Variants in C12orf43 observed in about 807,000 individuals in gnomAD.
C12orf43 encodes chromosome 12 open reading frame 43, also known as protein CUSTOS.
In C12orf43, 15 loss-of-function variants were observed where a neutral mutation model predicts 20.6. The observed-to-expected ratio is 0.73, with a 90% CI of 0.49 to 1.12. C12orf43 has a LOEUF of 1.12. Ranked by LOEUF, C12orf43 falls within the 50% of genes most tolerant of loss-of-function variation. The pLI is 0.00. For synonymous variants in C12orf43, 144 were observed against 130.8 expected, an observed-to-expected ratio of 1.10 and a Z score of -0.69; for missense variants, 334 against 344.4, an observed-to-expected ratio of 0.97 and a Z score of 0.24.
intron 1 of C12orf43, chr12:121,012,538 C>T: frequency 1.4e-6 from 1 of 700,782 alleles, no homozygotes; most frequent in East Asian, 2.7e-5. Flanking sequence ...AGTGGGTGAA[C>T]TCCAGATAGA....
rs999231123 is a variant in C12orf43, at chr12:121,005,512, G to A, written c.362-419C>T. 2.6e-5 allele frequency among the ~76,000 whole-genome samples: 4 copies of A among 152,234 alleles called. No individual in the cohort carries two copies. The highest frequency in any genetic ancestry group is 9.6e-5 in the African/African-American group (4 of 41,456). On this transcript the variant is annotated intron_variant, in intron 4 of 5. Transcript: ENST00000288757. The surrounding 1 kb of genome is among the most constrained non-coding windows in gnomAD (Gnocchi z 5.6). ...TGATGGAGCCAGTGGAGGGCGCGCT[G>A]GAGCAGGAGCCAGCAGCCACATCAG... is the stretch of plus-strand genomic sequence containing the variant.
chr12:121,010,892 C>G lies in C12orf43; in HGVS notation c.223G>C (p.Glu75Gln), dbSNP rs777205582. 6.2e-7 allele frequency: 1 copy of G among 1,614,132 alleles called. No homozygotes were observed. Among genetic ancestry groups the G allele is most frequent in the Non-Finnish European group, 8.5e-7 (1 of 1,180,020 alleles). ...CGGAATTCAGGGGTGGTCTGAAGCT[C>G]GTTGCCATCTTGTTCATGCTCATTC... Reference protein sequence around the residue: ...KVNEHEQDGNELQTTPEFRAH... With the variant: ...KVNEHEQDGNQLQTTPEFRAH... Residue 75 changes from glutamate to glutamine, a missense_variant, in exon 3 of 6, where the codon GAG becomes CAG. Coordinates refer to ENST00000288757, the MANE Select transcript of C12orf43 (RefSeq NM_022895.3).
At position 121,001,359 on chromosome 12, in the gene C12orf43, A is replaced by G; in HGVS notation, c.*2794T>C. ...GATGCATCAGAAAGGGAGGGCTCTG[A>G]GGCGCCCCAACCCGTGGAGGCTGCT... On this transcript the variant is annotated 3_prime_UTR_variant, in exon 6 of 6. Coordinates refer to ENST00000288757, the MANE Select transcript of C12orf43 (RefSeq NM_022895.3). 1 of 863,316 alleles carries G rather than the reference A, an allele frequency of 1.2e-6. No individual in the cohort carries two copies. The highest frequency in any genetic ancestry group is 1.7e-5 in the South Asian group (1 of 60,384). The allele number at this position is 863,316 out of a possible 1,614,324, so 53.5% of individuals were successfully genotyped here. A position where few individuals can be genotyped will look rare whatever the true frequency, so the allele number is the denominator to read the frequency against.
At chr12:121,012,849 TAAAAAAAAA>T (rs10636003) in intron 1 of C12orf43, among the ~76,000 whole-genome samples, 4 of 92,002 alleles carry the variant, frequency 4.3e-5, no homozygotes, top group African/African-American at 2.1e-4. Context: ...AGACTCCGTC[TAAAAAAAAA>T]AAAAAAAAAA....
rs1431206123 is a variant in C12orf43 at position 121,003,661 on chromosome 12, G to A, written c.*492C>T. 6.3e-6 allele frequency: 1 copy of A among 157,790 alleles called. No homozygotes were observed. Among genetic ancestry groups the A allele is most frequent in the Non-Finnish European group, 1.4e-5 (1 of 71,576 alleles). The allele number at this position is 157,790 out of a possible 1,614,324, so 9.8% of individuals were successfully genotyped here. On this transcript the variant is annotated 3_prime_UTR_variant, in exon 6 of 6. Coordinates refer to ENST00000288757, the MANE Select transcript of C12orf43 (RefSeq NM_022895.3). ...CTCCTTTCTCAGACGATTCTGTGAA[G>A]TCTATGTGGGCTAAGGAGAGAAGAA...
Position 121,005,011 on chromosome 12 carries a change from G to A in C12orf43, c.444C>T (p.Ser148=), listed in dbSNP as rs1877868116. The change falls in exon 5 of 6, where the codon TCC becomes TCT. Residue 148 remains serine (S), a synonymous_variant. Transcript: ENST00000288757. This position sits in a 1 kb window ranked among gnomAD's most constrained non-coding sequence, Gnocchi z 5.6. ...GAGGTGTGAGTTCTCACCTGGAGCT[G>A]GAGGGCTGTCGCTTTCGGCGGGGTT... is the stretch of plus-strand genomic sequence containing the variant. ...SPQPRRKRQP[S]SSSEDSDEEW... The A allele has an allele frequency of 1.3e-6, 2 of 1,540,648 alleles. No individual in the cohort carries two copies. Among genetic ancestry groups the A allele is most frequent in the Non-Finnish European group, 1.7e-6 (2 of 1,144,524 alleles).
Position 121,001,396 on chromosome 12 carries a change from G to C in C12orf43, c.*2757C>G. On this transcript the variant is annotated 3_prime_UTR_variant, in exon 6 of 6. Coordinates refer to ENST00000288757, the MANE Select transcript of C12orf43 (RefSeq NM_022895.3). Reference sequence around the variant, plus strand: ...CCGTGGAGGCTGCTCGGGGTGCACAGGAGGGGGTCGTGGAGAGCTAGGAGC... The same window carrying C: ...CCGTGGAGGCTGCTCGGGGTGCACACGAGGGGGTCGTGGAGAGCTAGGAGC... The C allele has an allele frequency of 1.6e-6, 1 of 619,506 alleles. No homozygotes were observed. The highest frequency in any genetic ancestry group is 2.8e-6 in the Non-Finnish European group (1 of 354,708). The allele number at this position is 619,506 out of a possible 1,614,324, so 38.4% of individuals were successfully genotyped here. A position where few individuals can be genotyped will look rare whatever the true frequency, so the allele number is the denominator to read the frequency against.
At position 121,002,164 on chromosome 12, in the gene C12orf43, C is replaced by A; in HGVS notation, c.*1989G>T. 2 of 492,382 alleles carry A rather than the reference C, an allele frequency of 4.1e-6. No homozygotes were observed. Among genetic ancestry groups the A allele is most frequent in the South Asian group, 3.4e-5 (2 of 58,374 alleles). 30.5% of individuals were successfully genotyped at this position (492,382 alleles called of 1,614,324 possible). A position where few individuals can be genotyped will look rare whatever the true frequency, so the allele number is the denominator to read the frequency against. ...CCGGGGAACTGGCCAAGCTGAGGTGCCCAGGAGAAGAAAGAGGTGACCCCA... is the reference window on the plus strand; with the variant it reads ...CCGGGGAACTGGCCAAGCTGAGGTGACCAGGAGAAGAAAGAGGTGACCCCA... On this transcript the variant is annotated 3_prime_UTR_variant, in exon 6 of 6. Transcript: ENST00000288757.
At chr12:121,014,967 A>T (rs2135889750) in intron 1 of C12orf43, among the ~76,000 whole-genome samples, 1 of 152,200 alleles carries the variant, frequency 6.6e-6, no homozygotes, top group East Asian at 1.9e-4. Context: ...TAGTTTTGAA[A>T]AAAAAAAGAG....
chr12:121,000,891 TG>T lies in C12orf43; in HGVS notation c.*3261del. 1 of 797,124 alleles carries T rather than the reference TG, an allele frequency of 1.3e-6. No individual in the cohort carries two copies. Among genetic ancestry groups the T allele is most frequent in the Non-Finnish European group, 2.0e-6 (1 of 509,906 alleles). The allele number at this position is 797,124 out of a possible 1,614,324, so 49.4% of individuals were successfully genotyped here. On this transcript the variant is annotated 3_prime_UTR_variant, in exon 6 of 6. Transcript: ENST00000288757. ...TCCATGGGCGGCCGTGGACCCTGGC[TG>T]GGAGGCTCCCTTTGAAGAACCGAGG...
chr12:121,001,933 G>A lies in C12orf43; in HGVS notation c.*2220C>T, dbSNP rs1333494487. On this transcript the variant is annotated 3_prime_UTR_variant, in exon 6 of 6. Coordinates refer to ENST00000288757, the MANE Select transcript of C12orf43 (RefSeq NM_022895.3). ...GTTCCCAAGAGCATCATGCCTCTGA[G>A]GCCAGCCTGGCCTCCTGCCTCTACT... 8 of 523,450 alleles carry A rather than the reference G, an allele frequency of 1.5e-5. No individual in the cohort carries two copies. Among genetic ancestry groups the A allele is most frequent in the Non-Finnish European group, 3.0e-5 (8 of 269,996 alleles). The allele number at this position is 523,450 out of a possible 1,614,324, so 32.4% of individuals were successfully genotyped here.
chr12:121,004,977 A>G lies in C12orf43; in HGVS notation c.452+26T>C. ...ACAGAAGAGGAGAAAAAAGGAGGGG[A>G]CGTGAGGAGAGGTGTGAGTTCTCAC... On this transcript the variant is annotated intron_variant, in intron 5 of 5. Coordinates refer to ENST00000288757, the MANE Select transcript of C12orf43 (RefSeq NM_022895.3). The surrounding 1 kb of genome is among the most constrained non-coding windows in gnomAD (Gnocchi z 5.6). The G allele has an allele frequency of 1.3e-6, 2 of 1,484,340 alleles. No homozygotes were observed. The highest frequency in any genetic ancestry group is 1.3e-5 in the South Asian group (1 of 75,550). 91.9% of individuals were successfully genotyped at this position (1,484,340 alleles called of 1,614,324 possible). A position where few individuals can be genotyped will look rare whatever the true frequency, so the allele number is the denominator to read the frequency against.
In C12orf43 at chr12:121,003,509, T is replaced by C. The variant is rs1877697260; in HGVS notation, c.*644A>G. ...CAGAGAGGCAATATCCAAATCACTC[T>C]AAGTTTTGTTTTGGGTCCTCTGACA... On this transcript the variant is annotated 3_prime_UTR_variant, in exon 6 of 6. Transcript: ENST00000288757. The C allele has an allele frequency of 6.6e-6, 1 of 152,482 alleles. No homozygotes were observed. The highest frequency in any genetic ancestry group is 1.5e-5 in the Non-Finnish European group (1 of 68,230). The allele number at this position is 152,482 out of a possible 1,614,324, so 9.4% of individuals were successfully genotyped here.
chr12:121,012,478 G>A (rs563574728), intron 1 of C12orf43: 1 of 702,560 alleles, frequency 1.4e-6, no homozygotes, highest in African/African-American at 1.7e-5. Flanking sequence ...TGAGACTGTT[G>A]GGGCAAAGGC....
At chr12:121,006,239 T>C (rs1304217517) in intron 4 of C12orf43, 82 bp downstream of exon 4, 2 of 1,088,094 alleles carry the variant, frequency 1.8e-6, no homozygotes, top group African/African-American at 1.6e-5. Flanking sequence ...AAAAAAAGAA[T>C]ATACCAAAAC....
At chr12:121,014,701 C>T (rs12425790) in intron 1 of C12orf43, among the ~76,000 whole-genome samples, 20,229 of 150,086 alleles carry the variant, frequency 0.13, 1,677 homozygotes, top group Non-Finnish European at 0.19. Context: ...AACTAGAAGC[C>T]GAGCACAGTG....
rs1259841990 is a variant in C12orf43 at position 121,004,183 on chromosome 12, T to A, written c.759A>T (p.Ala253=). Reference sequence around the variant, plus strand: ...TTGCAGGTATAGCTGTAGCACTCTTTGCTGGTGGGAATGGAGAGGTCTCGC... The same window carrying A: ...TTGCAGGTATAGCTGTAGCACTCTTAGCTGGTGGGAATGGAGAGGTCTCGC... ...KASETSPFPP[A]KSATAIPAN The change falls in exon 6 of 6, where the codon GCA becomes GCT. Residue 253 remains alanine (A), a synonymous_variant. Coordinates refer to ENST00000288757, the MANE Select transcript of C12orf43 (RefSeq NM_022895.3). The surrounding 1 kb of genome is among the most constrained non-coding windows in gnomAD (Gnocchi z 5.6). 6.8e-6 allele frequency: 11 copies of A among 1,614,204 alleles called. No homozygotes were observed. Among genetic ancestry groups the A allele is most frequent in the Non-Finnish European group, 9.3e-6 (11 of 1,180,036 alleles).
chr12:121,014,318 C>G (rs146434948), intron 1 of C12orf43, among the ~76,000 whole-genome samples: 2 of 150,152 alleles, frequency 1.3e-5, no homozygotes, highest in African/African-American at 4.9e-5. Context: ...GGTAACAGAG[C>G]GAGACTGCGT....
At chr12:121,006,439 A>G (rs769137752) in intron 3 of C12orf43, 45 bp from the exon 4 acceptor site, 1 of 1,571,118 alleles carries the variant, frequency 6.4e-7, no homozygotes, top group Admixed American at 1.7e-5. Flanking sequence ...ATTTTTGGAT[A>G]ACGACAAAAA....
Sources: allele counts gnomAD v4.1 joint callset (sites outside exome capture counted in the v4.1 genomes callset), GRCh38; gene constraint gnomAD v4.1.1; non-coding constraint Gnocchi (gnomAD v3.1); transcripts MANE v1.5; gene names NCBI Gene and HGNC (gene_info 2026-07-23, HGNC 2026-07-21).